Variants in UBAC2 observed in about 807,000 individuals in gnomAD.
UBAC2 encodes the protein ubiquitin-associated domain-containing protein 2.
A neutral mutation model predicts 44.0 loss-of-function variants in UBAC2; 26 were observed. The observed-to-expected ratio is 0.59, with a 90% confidence interval of 0.43 to 0.82. UBAC2 has a LOEUF of 0.82. Among genes scored for constraint, UBAC2 ranks in the 40% least tolerant of loss-of-function variants. The probability of loss-of-function intolerance (pLI) is 0.00; values close to 1 mark genes in which losing one functional copy is unlikely to be tolerated. For missense variants in UBAC2, 329 were observed against 419.4 expected (o/e 0.78, Z 1.88); for synonymous variants, 155 against 154.3 (o/e 1.00, Z -0.04).
At chr13:99,285,365 T>G (rs1037913761) in intron 4 of UBAC2, among the ~76,000 whole-genome samples, 3 of 151,672 alleles carry the variant, frequency 2.0e-5, no homozygotes, top group Non-Finnish European at 2.9e-5. Flanking sequence ...CTAGATTAAC[T>G]GGCTCATTAT....
At chr13:99,282,636 T>A (rs1355115195) in intron 4 of UBAC2, among the ~76,000 whole-genome samples, 1 of 152,206 alleles carries the variant, frequency 6.6e-6, no homozygotes, top group African/African-American at 2.4e-5. Context: ...TAAGTGAGAC[T>A]CAGGTAACAG....
chr13:99,375,801 C>CT (rs34318354), intron 8 of UBAC2, among the ~76,000 whole-genome samples: 25,776 of 110,842 alleles, frequency 0.23, 4,165 homozygotes, highest in African/African-American at 0.34. Context: ...TCCTTTTTCC[C>CT]TTTTTTTTTT....
At chr13:99,271,528 G>A (rs1028146770) in intron 4 of UBAC2, among the ~76,000 whole-genome samples, 1 of 152,158 alleles carries the variant, frequency 6.6e-6, no homozygotes, top group Admixed American at 6.5e-5. Flanking sequence ...CCTTTAATCA[G>A]GGCATTCGGG....
intron 7 of UBAC2, among the ~76,000 whole-genome samples, chr13:99,353,994 C>T (rs1250580261): frequency 6.6e-6 from 1 of 152,246 alleles, no homozygotes; most frequent in Admixed American, 6.5e-5. Flanking sequence ...ATTAGCCATA[C>T]TGAGATTTGG....
At position 99,295,847 on chromosome 13, in the gene UBAC2, C is replaced by T. The variant is rs1216670913; in HGVS notation, c.390-18250C>T. 6.2e-7 allele frequency: 1 copy of T among 1,605,694 alleles called. No individual in the cohort carries two copies. Among genetic ancestry groups the T allele is most frequent in the Non-Finnish European group, 8.5e-7 (1 of 1,174,564 alleles). ...CGCAGTTATCCTACACAAGGCATCTCCGATTCTCCAGTCAAAGCCCATTGC... is the reference window on the plus strand; with the variant it reads ...CGCAGTTATCCTACACAAGGCATCTTCGATTCTCCAGTCAAAGCCCATTGC... On this transcript the variant is annotated intron_variant, in intron 4 of 8. Coordinates refer to ENST00000403766, the MANE Select transcript of UBAC2 (RefSeq NM_001144072.2). The surrounding 1 kb of genome is among the most constrained non-coding windows in gnomAD (Gnocchi z 4.1).
chr13:99,291,329 T>C (rs1339974623), intron 4 of UBAC2, among the ~76,000 whole-genome samples: 4 of 152,168 alleles, frequency 2.6e-5, no homozygotes, highest in African/African-American at 9.7e-5. Flanking sequence ...TTGGCAGCAG[T>C]TCTTATGAGT....
At chr13:99,360,681 A>G (rs1246661101) in intron 7 of UBAC2, among the ~76,000 whole-genome samples, 1 of 152,024 alleles carries the variant, frequency 6.6e-6, no homozygotes, top group Non-Finnish European at 1.5e-5. Flanking sequence ...CGTTGAAATC[A>G]TTCTCTTTTA....
chr13:99,236,431 C>T (rs1306004693), intron 1 of UBAC2, among the ~76,000 whole-genome samples: 4 of 152,140 alleles, frequency 2.6e-5, no homozygotes, highest in Non-Finnish European at 5.9e-5. Flanking sequence ...CAAAAGAAGA[C>T]ATACAAATGG....
chr13:99,266,460 T>C (rs1286724797), intron 4 of UBAC2, among the ~76,000 whole-genome samples: 1 of 152,190 alleles, frequency 6.6e-6, no homozygotes, highest in East Asian at 1.9e-4. Flanking sequence ...ATGTGGCCCA[T>C]GGGCTGCAGG....
chr13:99,305,227 C>T (rs117346369), intron 4 of UBAC2, among the ~76,000 whole-genome samples: 3,390 of 152,292 alleles, frequency 0.022, 69 homozygotes, highest in Non-Finnish European at 0.032. Flanking sequence ...TTTTATTCTT[C>T]TCTTTGGGCT....
intron 1 of UBAC2, among the ~76,000 whole-genome samples, chr13:99,226,746 T>C (rs1566455621): frequency 6.6e-6 from 1 of 152,192 alleles, no homozygotes; most frequent in Non-Finnish European, 1.5e-5. Flanking sequence ...CCTTATCATC[T>C]CTTAATCATG....
chr13:99,289,070 TGACAA>T (rs1291224547), intron 4 of UBAC2, among the ~76,000 whole-genome samples: 1 of 152,200 alleles, frequency 6.6e-6, no homozygotes, highest in African/African-American at 2.4e-5. Flanking sequence ...CTTACTTCAC[TGACAA>T]GACAATTGAA....
At chr13:99,324,938 C>T (rs926939775) in intron 6 of UBAC2, among the ~76,000 whole-genome samples, 5 of 152,090 alleles carry the variant, frequency 3.3e-5, no homozygotes, top group Non-Finnish European at 4.4e-5. Flanking sequence ...TAAGTACACT[C>T]TGTAATGTTC....
At chr13:99,254,208 A>G (rs977789782) in intron 4 of UBAC2, among the ~76,000 whole-genome samples, 1 of 152,238 alleles carries the variant, frequency 6.6e-6, no homozygotes, top group Non-Finnish European at 1.5e-5. Context: ...TAGAAACCTC[A>G]AATGATAGAA....
At chr13:99,315,800 G>A (rs2044480661) in intron 5 of UBAC2, among the ~76,000 whole-genome samples, 1 of 151,794 alleles carries the variant, frequency 6.6e-6, no homozygotes, top group Admixed American at 6.6e-5. Context: ...GATTGTAAAT[G>A]TATTTCTTGT....
intron 6 of UBAC2, among the ~76,000 whole-genome samples, chr13:99,339,616 C>G (rs887116092): frequency 6.6e-6 from 1 of 150,758 alleles, no homozygotes; most frequent in Non-Finnish European, 1.5e-5. Context: ...TCTTCTAATC[C>G]TAAGAATCAA....
chr13:99,245,479 A>C (rs955580894), intron 4 of UBAC2, among the ~76,000 whole-genome samples: 1 of 152,226 alleles, frequency 6.6e-6, no homozygotes, highest in Non-Finnish European at 1.5e-5. Context: ...TTTAAAAAAA[A>C]CAAAAACCAT....
chr13:99,255,007 A>G, intron 4 of UBAC2: 2 of 1,614,202 alleles, frequency 1.2e-6, no homozygotes, highest in Non-Finnish European at 1.7e-6. Flanking sequence ...TTGTTTTGAA[A>G]CGATGTAGTA....
intron 4 of UBAC2, among the ~76,000 whole-genome samples, chr13:99,306,238 G>A (rs562795324): frequency 2.0e-5 from 3 of 152,250 alleles, no homozygotes; most frequent in South Asian, 2.1e-4. Context: ...CATATCTGTT[G>A]GATTCACCCT....
Sources: gnomAD v4.1 joint callset for allele counts (sites outside exome capture counted in the v4.1 genomes callset) on GRCh38, gnomAD v4.1.1 for gene constraint, Gnocchi (gnomAD v3.1) non-coding constraint, MANE v1.5 for transcripts, NCBI Gene and HGNC (gene_info 2026-07-23, HGNC 2026-07-21) for gene names.